ADAM22: variants seen among roughly 807,000 people sequenced by gnomAD.
The protein encoded by ADAM22 is ADAM metallopeptidase domain 22.
A neutral mutation model predicts 144.6 loss-of-function variants in ADAM22; 65 were observed. The ratio of observed to expected loss-of-function variants is 0.45; its 90% CI spans 0.37 to 0.55. ADAM22 has a LOEUF of 0.55. ADAM22 is among the 20% of genes least tolerant of loss of function. The pLI is 0.00. For synonymous variants in ADAM22, 391 were observed against 412.6 expected, an observed-to-expected ratio of 0.95 and a Z score of 0.63; for missense variants, 974 against 1,184.9, an observed-to-expected ratio of 0.82 and a Z score of 2.61.
chr7:88,131,432 T>G lies in ADAM22; in HGVS notation c.989T>G (p.Phe330Cys), dbSNP rs1235482086. The G allele has an allele frequency of 6.2e-7, 1 of 1,613,496 alleles. No homozygotes were observed. The highest frequency in any genetic ancestry group is 8.5e-7 in the Non-Finnish European group (1 of 1,179,654). ...GAGAAAAGTGATGCAGTTCACCTTT[T>G]TTCGTACGTAACTTCTGTAATGATG... Reference protein sequence around the residue: ...IKEKSDAVHLFSGSQFESSRS... With the variant: ...IKEKSDAVHLCSGSQFESSRS... The change falls in exon 11 of 32, where the codon TTT becomes TGT. Residue 330 changes from phenylalanine to cysteine, a missense_variant. By Grantham distance (205) the Phe-to-Cys change is radical (BLOSUM62 -2). This residue lies in a region of ADAM22 where 734 missense variants were observed against 950.6 expected (regional missense o/e 0.77). Transcript: ENST00000413139.
At chr7:88,163,227 A>G (rs895191529) in intron 23 of ADAM22, 47 bp downstream of exon 23, 7 of 1,484,082 alleles carry the variant, frequency 4.7e-6, no homozygotes, top group Non-Finnish European at 6.3e-6. Context: ...TATATCACAG[A>G]AATAGACAGG....
chr7:88,161,357 T>C (rs531738007), intron 22 of ADAM22, among the ~76,000 whole-genome samples: 1 of 151,778 alleles, frequency 6.6e-6, no homozygotes, highest in East Asian at 1.9e-4. Flanking sequence ...AACTCAAAAG[T>C]ATAAAAACCC....
chr7:88,044,820 G>A (rs891098263), intron 3 of ADAM22, among the ~76,000 whole-genome samples: 1 of 151,954 alleles, frequency 6.6e-6, no homozygotes, highest in Non-Finnish European at 1.5e-5. Context: ...CTGCCTCCTG[G>A]GTTCAAGTGA....
At chr7:88,072,113 A>G (rs1310996113) in intron 3 of ADAM22, among the ~76,000 whole-genome samples, 3 of 152,230 alleles carry the variant, frequency 2.0e-5, no homozygotes, top group African/African-American at 7.2e-5. Context: ...TCATTAAAAT[A>G]ACAATACTTT....
chr7:88,050,439 A>G (rs962637780), intron 3 of ADAM22, among the ~76,000 whole-genome samples: 2 of 151,040 alleles, frequency 1.3e-5, no homozygotes, highest in Non-Finnish European at 2.9e-5. Flanking sequence ...TACCAGAGAA[A>G]ATGAGAAAAT....
intron 20 of ADAM22, among the ~76,000 whole-genome samples, chr7:88,151,832 G>C (rs1439402616): frequency 6.6e-6 from 1 of 152,140 alleles, no homozygotes; most frequent in Non-Finnish European, 1.5e-5. Context: ...GTATCAGAAA[G>C]AAATGTTAAT....
intron 18 of ADAM22, 135 bp from the exon 19 acceptor site, chr7:88,150,846 G>T: frequency 1.6e-6 from 1 of 634,056 alleles, no homozygotes. Flanking sequence ...GACCTCCTTT[G>T]CATTTTGTTT....
At chr7:88,032,879 G>A (rs909973316) in intron 3 of ADAM22, among the ~76,000 whole-genome samples, 5 of 152,084 alleles carry the variant, frequency 3.3e-5, no homozygotes. Context: ...GCCATATGAA[G>A]ATGTGCTTAT....
intron 26 of ADAM22, among the ~76,000 whole-genome samples, chr7:88,174,069 G>T (rs1403137262): frequency 6.6e-6 from 1 of 152,122 alleles, no homozygotes; most frequent in African/African-American, 2.4e-5. Flanking sequence ...TAATACTGTT[G>T]TAATGGCTCA....
rs538709005 is a variant in ADAM22 at position 88,092,611 on chromosome 7, CAG to C, written c.391-15563_391-15562del. ...AATCAGTGTGGTTTCAGGAAGGTCT[CAG>C]ATTTCATGATTTAATTCTCTTTGCA... is the stretch of plus-strand genomic sequence containing the variant. On this transcript the variant is annotated intron_variant, in intron 4 of 31. Transcript: ENST00000413139. Among the ~76,000 whole-genome samples, 17 of 152,266 alleles carry C rather than the reference CAG, an allele frequency of 1.1e-4. No individual in the cohort carries two copies. The South Asian group carries it at 3.5e-3, about 32-fold the overall frequency.
chr7:88,132,201 TG>T (rs1394515310), intron 11 of ADAM22: 1 of 151,914 alleles, frequency 6.6e-6, no homozygotes, highest in Non-Finnish European at 1.5e-5. Context: ...AGACACTTAC[TG>T]GGGATTTATT....
intron 29 of ADAM22, 96 bp downstream of exon 29, chr7:88,182,120 T>C (rs914285397): frequency 3.6e-6 from 4 of 1,098,076 alleles, no homozygotes; most frequent in East Asian, 2.4e-5. Flanking sequence ...CTGTAAACCA[T>C]GTCTCCGGTC....
chr7:88,192,431 C>T (rs950060709), intron 30 of ADAM22, among the ~76,000 whole-genome samples: 3 of 152,282 alleles, frequency 2.0e-5, no homozygotes, highest in Admixed American at 6.5e-5. Flanking sequence ...CAAAATCAAT[C>T]AAGTACAGCA....
rs530385368 is a variant in ADAM22 at position 87,987,013 on chromosome 7, A to G, written c.323+8601A>G. On this transcript the variant is annotated intron_variant, in intron 3 of 31. Transcript: ENST00000413139. Reference sequence around the variant, plus strand: ...GTGAGTGAAAAATGTAATTTGCTAGATATAGTCAACACTTCCAATGTGCAA... The same window carrying G: ...GTGAGTGAAAAATGTAATTTGCTAGGTATAGTCAACACTTCCAATGTGCAA... Among the ~76,000 whole-genome samples, 71 of 152,290 alleles carry G rather than the reference A, an allele frequency of 4.7e-4. 1 individual carries two copies. In the East Asian group the frequency reaches 8.5e-3, roughly 18 times the overall value.
At chr7:88,071,611 A>C (rs1212644173) in intron 3 of ADAM22, among the ~76,000 whole-genome samples, 1 of 152,048 alleles carries the variant, frequency 6.6e-6, no homozygotes, top group African/African-American at 2.4e-5. Context: ...AAGGATAATC[A>C]TTATTATGAC....
At chr7:88,069,135 C>T (rs1425624695) in intron 3 of ADAM22, among the ~76,000 whole-genome samples, 1 of 144,818 alleles carries the variant, frequency 6.9e-6, no homozygotes, top group South Asian at 2.1e-4. Flanking sequence ...CTCTTGTCTT[C>T]CCTTACCTTC....
At chr7:88,114,674 CAAA>C (rs1425084991) in intron 6 of ADAM22, 27 bp downstream of exon 6, 1 of 1,608,284 alleles carries the variant, frequency 6.2e-7, no homozygotes, top group African/African-American at 1.3e-5. Context: ...TTTGTTGTGG[CAAA>C]TGGAAATGTT....
chr7:88,117,507 CATG>C (rs1366557179), intron 7 of ADAM22, among the ~76,000 whole-genome samples: 1 of 152,156 alleles, frequency 6.6e-6, no homozygotes, highest in East Asian at 1.9e-4. Flanking sequence ...AAGGGCAGTG[CATG>C]CATACTTTGC....
chr7:88,173,380 A>G (rs1468758885), intron 26 of ADAM22, among the ~76,000 whole-genome samples: 1 of 152,022 alleles, frequency 6.6e-6, no homozygotes, highest in East Asian at 1.9e-4. Flanking sequence ...GATATATGTC[A>G]ACACAACCTT....
Sources: allele counts gnomAD v4.1 joint callset (sites outside exome capture counted in the v4.1 genomes callset), GRCh38; gene constraint gnomAD v4.1.1; regional missense constraint gnomAD v4.1.1; transcripts MANE v1.5; gene names NCBI Gene and HGNC (gene_info 2026-07-23, HGNC 2026-07-21).